CACNA2D2: variants seen among roughly 807,000 people sequenced by gnomAD.
The protein encoded by CACNA2D2 is calcium voltage-gated channel auxiliary subunit alpha2delta 2.
A neutral mutation model predicts 166.4 loss-of-function variants in CACNA2D2; 48 were observed. The ratio of observed to expected loss-of-function variants is 0.29; its 90% CI spans 0.23 to 0.37. The LOEUF is 0.37. CACNA2D2 is among the 10% of genes least tolerant of loss of function. The pLI is 1.00. For synonymous variants in CACNA2D2, 561 were observed against 573.7 expected, an observed-to-expected ratio of 0.98 and a Z score of 0.32; for missense variants, 1,122 against 1,433.0, an observed-to-expected ratio of 0.78 and a Z score of 3.50.
rs898896307 is a variant in CACNA2D2 at position 50,432,221 on chromosome 3, G to A, written c.405+2092C>T. Among the ~76,000 whole-genome samples, 7 of 152,236 alleles carry A rather than the reference G, an allele frequency of 4.6e-5. No individual in the cohort carries two copies. In the East Asian group the frequency reaches 1.4e-3, roughly 29 times the overall value. ...CTTTAGGGGTGGGGGAAGTGGCTTG[G>A]AAAGAGACCCCAGCCCTGTGATTCC... On this transcript the variant is annotated intron_variant, in intron 3 of 37. Coordinates refer to ENST00000424201, the MANE Select transcript of CACNA2D2 (RefSeq NM_006030.4).
intron 1 of CACNA2D2, among the ~76,000 whole-genome samples, chr3:50,485,482 T>C (rs972098762): frequency 4.6e-5 from 7 of 152,384 alleles, no homozygotes; most frequent in Admixed American, 4.6e-4. Context: ...TTTTAGAAGG[T>C]AGCGCTGTAA....
intron 2 of CACNA2D2, among the ~76,000 whole-genome samples, chr3:50,470,743 G>A (rs916163320): frequency 6.6e-6 from 1 of 151,960 alleles, no homozygotes; most frequent in African/African-American, 2.4e-5. Context: ...CCCCAGGTCT[G>A]GGCCTGGGAA....
At chr3:50,496,099 G>A (rs994729676) in intron 1 of CACNA2D2, among the ~76,000 whole-genome samples, 1 of 152,176 alleles carries the variant, frequency 6.6e-6, no homozygotes, top group Non-Finnish European at 1.5e-5. Flanking sequence ...ATTTCCCACT[G>A]CCAGTGTTTG....
At chr3:50,420,713 T>G (rs1559931430) in intron 3 of CACNA2D2, among the ~76,000 whole-genome samples, 1 of 152,176 alleles carries the variant, frequency 6.6e-6, no homozygotes, top group Non-Finnish European at 1.5e-5. Flanking sequence ...CGACGATCAC[T>G]GGGGTTCCTG....
chr3:50,382,965 T>C (rs912185993), intron 6 of CACNA2D2, among the ~76,000 whole-genome samples: 1 of 152,204 alleles, frequency 6.6e-6, no homozygotes, highest in African/African-American at 2.4e-5. Flanking sequence ...CTCAGCCCCA[T>C]GCGCACAGAC....
chr3:50,427,526 A>G lies in CACNA2D2; in HGVS notation c.405+6787T>C, dbSNP rs1372079996. 2.0e-5 allele frequency among the ~76,000 whole-genome samples: 3 copies of G among 152,250 alleles called. No homozygotes were observed. Among genetic ancestry groups the G allele is most frequent in the Non-Finnish European group, 4.4e-5 (3 of 68,040 alleles). On this transcript the variant is annotated intron_variant, in intron 3 of 37. Coordinates refer to ENST00000424201, the MANE Select transcript of CACNA2D2 (RefSeq NM_006030.4). The surrounding 1 kb of genome is among the most constrained non-coding windows in gnomAD (Gnocchi z 4.7). ...CGTGTCTGCGGCTCCTTTCCAGAGC[A>G]GGAGAGTGGAAGGGTCAAGATCTCT...
intron 3 of CACNA2D2, among the ~76,000 whole-genome samples, chr3:50,415,619 C>T (rs1707234089): frequency 6.6e-6 from 1 of 152,238 alleles, no homozygotes; most frequent in Non-Finnish European, 1.5e-5. Context: ...TTCCAGGTTC[C>T]CACAGTGCCT....
At chr3:50,382,878 C>A (rs1253512123) in intron 6 of CACNA2D2, among the ~76,000 whole-genome samples, 1 of 152,116 alleles carries the variant, frequency 6.6e-6, no homozygotes, top group African/African-American at 2.4e-5. Context: ...GTACCTGTGA[C>A]CCCACACGCG....
chr3:50,439,884 G>A (rs987418664), intron 2 of CACNA2D2, among the ~76,000 whole-genome samples: 6 of 152,236 alleles, frequency 3.9e-5, no homozygotes, highest in Non-Finnish European at 7.3e-5. Flanking sequence ...ACCCTAGCCA[G>A]TCAGGGTAGA....
chr3:50,393,310 C>G (rs1705975569), intron 4 of CACNA2D2, among the ~76,000 whole-genome samples: 1 of 152,208 alleles, frequency 6.6e-6, no homozygotes, highest in Non-Finnish European at 1.5e-5. Context: ...CCCAGACACC[C>G]CAGCAGCTGT....
At chr3:50,368,486 C>T (rs1340578484) in intron 23 of CACNA2D2, among the ~76,000 whole-genome samples, 1 of 152,164 alleles carries the variant, frequency 6.6e-6, no homozygotes, top group East Asian at 1.9e-4. Context: ...GGCATGGCTC[C>T]GCAGAGCCTC....
At chr3:50,460,948 A>G (rs899590865) in intron 2 of CACNA2D2, among the ~76,000 whole-genome samples, 5 of 152,216 alleles carry the variant, frequency 3.3e-5, no homozygotes, top group Admixed American at 6.5e-5. Flanking sequence ...TTTCTCACAG[A>G]AAGACACAGA....
Position 50,379,083 on chromosome 3 carries a change from G to A in CACNA2D2, c.1260+9C>T. On this transcript the variant is annotated intron_variant, in intron 12 of 37. Transcript: ENST00000424201. This position sits in a 1 kb window ranked among gnomAD's most constrained non-coding sequence, Gnocchi z 6.5. ...GGTCAGGGTAGCCCCTGCCTCGGTT[G>A]AGCCTCACCGTCCGGTTTGGCCAAT... 1.2e-6 allele frequency: 2 copies of A among 1,613,522 alleles called. No individual in the cohort carries two copies. Among genetic ancestry groups the A allele is most frequent in the Non-Finnish European group, 8.5e-7 (1 of 1,179,556 alleles).
At chr3:50,418,074 C>T (rs1707351853) in intron 3 of CACNA2D2, among the ~76,000 whole-genome samples, 1 of 152,096 alleles carries the variant, frequency 6.6e-6, no homozygotes, top group Admixed American at 6.5e-5. Flanking sequence ...CTGTGAGAGG[C>T]AGGACTGTAC....
chr3:50,370,432 G>A (rs1337738848), intron 22 of CACNA2D2, 52 bp from the exon 23 acceptor site: 16 of 826,976 alleles, frequency 1.9e-5, no homozygotes, highest in East Asian at 2.7e-5. Flanking sequence ...GCTGGAGGCC[G>A]GGGGGCTCAG....
At chr3:50,466,376 C>G (rs1227944239) in intron 2 of CACNA2D2, among the ~76,000 whole-genome samples, 1 of 152,152 alleles carries the variant, frequency 6.6e-6, no homozygotes, top group Non-Finnish European at 1.5e-5. Context: ...TGACAGAGCT[C>G]TCCACACCTG....
intron 4 of CACNA2D2, among the ~76,000 whole-genome samples, chr3:50,391,903 C>T (rs561888557): frequency 1.3e-5 from 2 of 152,298 alleles, no homozygotes; most frequent in East Asian, 1.9e-4. Context: ...CTGCTGGTCA[C>T]GCTGTCACTG....
At chr3:50,474,829 C>T (rs1710241322) in intron 2 of CACNA2D2, among the ~76,000 whole-genome samples, 1 of 152,146 alleles carries the variant, frequency 6.6e-6, no homozygotes, top group African/African-American at 2.4e-5. Flanking sequence ...TCCGGAACAG[C>T]TTTTTCTACA....
chr3:50,486,943 G>T (rs1180878983), intron 1 of CACNA2D2, among the ~76,000 whole-genome samples: 2 of 152,228 alleles, frequency 1.3e-5, no homozygotes. Flanking sequence ...ATTTCAGCAG[G>T]CAGCCAAGCA....
Sources: gnomAD v4.1 joint callset for allele counts (sites outside exome capture counted in the v4.1 genomes callset) on GRCh38, gnomAD v4.1.1 for gene constraint, Gnocchi (gnomAD v3.1) non-coding constraint, MANE v1.5 for transcripts, NCBI Gene and HGNC (gene_info 2026-07-23, HGNC 2026-07-21) for gene names.